Variants in TAFA2 observed in about 807,000 individuals in gnomAD.
TAFA2 encodes the protein chemokine-like protein TAFA-2.
A neutral mutation model predicts 18.8 loss-of-function variants in TAFA2; 7 were observed. The ratio of observed to expected loss-of-function variants is 0.37; its 90% CI spans 0.21 to 0.70. TAFA2 has a LOEUF of 0.70. TAFA2 is among the 30% of genes least tolerant of loss of function. The probability of loss-of-function intolerance (pLI) is 0.53; values close to 1 mark genes in which losing one functional copy is unlikely to be tolerated. For synonymous variants in TAFA2, 60 were observed against 54.2 expected, an observed-to-expected ratio of 1.11 and a Z score of -0.47; for missense variants, 122 against 158.1, an observed-to-expected ratio of 0.77 and a Z score of 1.23.
At chr12:61,995,549 T>C (rs1308764592) in intron 1 of TAFA2, among the ~76,000 whole-genome samples, 2 of 152,192 alleles carry the variant, frequency 1.3e-5, no homozygotes, top group Non-Finnish European at 2.9e-5. Flanking sequence ...CAGGTCGACC[T>C]TTTTCAATGT....
intron 1 of TAFA2, among the ~76,000 whole-genome samples, chr12:62,061,500 G>A (rs1001619650): frequency 1.6e-4 from 24 of 152,090 alleles, no homozygotes; most frequent in African/African-American, 5.3e-4. Context: ...GCCTAACAGC[G>A]CATTTTTTCA....
chr12:61,819,944 A>G (rs1009757758), intron 2 of TAFA2, among the ~76,000 whole-genome samples: 5 of 152,092 alleles, frequency 3.3e-5, no homozygotes, highest in Non-Finnish European at 2.9e-5. Context: ...TTCAAAATCC[A>G]TGGACAAGTT....
chr12:61,959,383 CTTCTT>C (rs1878805276), intron 1 of TAFA2, among the ~76,000 whole-genome samples: 1 of 151,876 alleles, frequency 6.6e-6, no homozygotes, highest in Non-Finnish European at 1.5e-5. Context: ...GTCTGCTACT[CTTCTT>C]TTTAAATTTA....
intron 1 of TAFA2, among the ~76,000 whole-genome samples, chr12:62,211,404 C>G (rs2062712886): frequency 1.3e-5 from 2 of 151,952 alleles, no homozygotes; most frequent in African/African-American, 4.8e-5. Context: ...CATGGTGAAA[C>G]CCTATCTCTA....
At chr12:62,042,432 CGTGT>C (rs71450572) in intron 1 of TAFA2, among the ~76,000 whole-genome samples, 235 of 143,512 alleles carry the variant, frequency 1.6e-3, no homozygotes, top group Admixed American at 3.4e-3. Flanking sequence ...TGTGTGTGCG[CGTGT>C]GTGTGTGTGT....
At chr12:62,177,193 G>A (rs34952410) in intron 1 of TAFA2, among the ~76,000 whole-genome samples, 4,138 of 152,340 alleles carry the variant, frequency 0.027, 85 homozygotes, top group Non-Finnish European at 0.04. Flanking sequence ...CAGGGGCACA[G>A]CCTCAGTGCA....
chr12:61,909,014 C>G (rs571504735), intron 1 of TAFA2, among the ~76,000 whole-genome samples: 1 of 152,128 alleles, frequency 6.6e-6, no homozygotes, highest in African/African-American at 2.4e-5. Flanking sequence ...CGTGAAGGAG[C>G]CTGCACTTCA....
intron 1 of TAFA2, among the ~76,000 whole-genome samples, chr12:62,023,961 C>T (rs181181653): frequency 3.9e-5 from 6 of 152,228 alleles, no homozygotes; most frequent in East Asian, 1.9e-4. Flanking sequence ...TGTGAAAAGT[C>T]GAAAGTTTAG....
chr12:61,839,611 T>A (rs12821872), intron 2 of TAFA2, among the ~76,000 whole-genome samples: 47,531 of 151,806 alleles, frequency 0.31, 7,655 homozygotes, highest in South Asian at 0.4. Context: ...CAGGAGTGCA[T>A]CTAGAAGCCA....
intron 1 of TAFA2, among the ~76,000 whole-genome samples, chr12:62,156,741 G>C (rs1233089472): frequency 6.6e-6 from 1 of 152,148 alleles, no homozygotes; most frequent in Non-Finnish European, 1.5e-5. Flanking sequence ...TGATATGTGG[G>C]AGCTAAGCTA....
intron 4 of TAFA2, among the ~76,000 whole-genome samples, chr12:61,722,420 C>T (rs989335103): frequency 6.6e-6 from 1 of 151,992 alleles, no homozygotes; most frequent in Non-Finnish European, 1.5e-5. Flanking sequence ...TGGCCAGAGT[C>T]GAGTCTAGAT....
intron 1 of TAFA2, among the ~76,000 whole-genome samples, chr12:62,075,712 T>C (rs559359812): frequency 1.3e-5 from 2 of 152,276 alleles, no homozygotes; most frequent in South Asian, 4.1e-4. Flanking sequence ...ATATATATTG[T>C]TTTATGGTCA....
intron 2 of TAFA2, among the ~76,000 whole-genome samples, chr12:61,798,550 C>A (rs1393239630): frequency 6.6e-6 from 1 of 152,144 alleles, no homozygotes; most frequent in Non-Finnish European, 1.5e-5. Context: ...AACAATAACT[C>A]CCCATTTCCC....
At chr12:62,225,210 A>G (rs2062781000) in intron 1 of TAFA2, among the ~76,000 whole-genome samples, 1 of 152,236 alleles carries the variant, frequency 6.6e-6, no homozygotes, top group African/African-American at 2.4e-5. Context: ...GAAATGAACT[A>G]GAATGTCCAG....
chr12:62,198,225 T>C (rs1451628384), intron 1 of TAFA2: 1 of 152,184 alleles, frequency 6.6e-6, no homozygotes, highest in Non-Finnish European at 1.5e-5. Context: ...TTATTATATA[T>C]TGGAGCTGAG....
chr12:62,208,620 T>C (rs1565779691), intron 1 of TAFA2, among the ~76,000 whole-genome samples: 1 of 33,616 alleles, frequency 3.0e-5, no homozygotes, highest in East Asian at 5.8e-4. Flanking sequence ...AAATTCCAAA[T>C]TTATCAGGAA....
intron 1 of TAFA2, among the ~76,000 whole-genome samples, chr12:62,033,386 T>C (rs1284928574): frequency 2.0e-5 from 3 of 152,184 alleles, no homozygotes; most frequent in African/African-American, 7.2e-5. Context: ...TGACACAGAC[T>C]ACATCGGCCC....
At chr12:61,881,651 A>G (rs1252167167) in intron 1 of TAFA2, among the ~76,000 whole-genome samples, 1 of 152,064 alleles carries the variant, frequency 6.6e-6, no homozygotes, top group Non-Finnish European at 1.5e-5. Context: ...CCTCCAGGAA[A>G]CTTTCTGCTT....
intron 1 of TAFA2, among the ~76,000 whole-genome samples, chr12:62,024,540 AC>A (rs1239152594): frequency 5.9e-5 from 9 of 152,278 alleles, no homozygotes; most frequent in South Asian, 2.1e-4. Flanking sequence ...ACCAATTTGG[AC>A]ATTGGCCTTG....
Sources: allele counts gnomAD v4.1 joint callset (sites outside exome capture counted in the v4.1 genomes callset), GRCh38; gene constraint gnomAD v4.1.1; transcripts MANE v1.5; gene names NCBI Gene and HGNC (gene_info 2026-07-23, HGNC 2026-07-21).